GATAD2A: variants seen among roughly 807,000 people sequenced by gnomAD.
The protein encoded by GATAD2A is GATA zinc finger domain containing 2A.
In GATAD2A, 12 loss-of-function variants were observed where a neutral mutation model predicts 68.5. The observed-to-expected ratio is 0.18, with a 90% CI of 0.11 to 0.28. The LOEUF (loss-of-function observed/expected upper bound fraction) is 0.28. Ranked by LOEUF, GATAD2A falls within the 10% of genes least tolerant of loss-of-function variation. The pLI, the probability that GATAD2A is intolerant of heterozygous loss-of-function variation, is 1.00. For synonymous variants in GATAD2A, 410 were observed against 375.3 expected (o/e 1.09, Z -1.07); for missense variants, 755 against 868.5 (o/e 0.87, Z 1.64).
upstream of GATAD2A, among the ~76,000 whole-genome samples, chr19:19,401,774 A>G (rs982170318): frequency 1.1e-4 from 17 of 152,116 alleles, no homozygotes; most frequent in Non-Finnish European, 2.1e-4. Flanking sequence ...TACCTTGAAC[A>G]TTCAGTAGGT....
At chr19:19,437,059 G>A (rs1227664386) in intron 1 of GATAD2A, among the ~76,000 whole-genome samples, 1 of 152,180 alleles carries the variant, frequency 6.6e-6, no homozygotes, top group African/African-American at 2.4e-5. Flanking sequence ...GCATAGTCAG[G>A]TAATTCTGTT....
intron 1 of GATAD2A, among the ~76,000 whole-genome samples, chr19:19,408,125 G>A (rs1038568048): frequency 1.3e-5 from 2 of 152,136 alleles, no homozygotes; most frequent in East Asian, 1.9e-4. Context: ...TCAGCCTCCC[G>A]AGTAGTTGGG....
At chr19:19,469,369 T>C (rs1376556638) in intron 2 of GATAD2A, among the ~76,000 whole-genome samples, 3 of 146,454 alleles carry the variant, frequency 2.0e-5, no homozygotes, top group Non-Finnish European at 3.0e-5. Flanking sequence ...GAGGCGGAGC[T>C]TGCAGTGAGC....
At chr19:19,408,893 A>AAT (rs2050599617) in intron 1 of GATAD2A, among the ~76,000 whole-genome samples, 2 of 152,154 alleles carry the variant, frequency 1.3e-5, no homozygotes, top group Non-Finnish European at 2.9e-5. Flanking sequence ...GAAGGGGATT[A>AAT]AGGCAAGGGC....
intron 2 of GATAD2A, chr19:19,474,128 A>G: frequency 1.0e-6 from 1 of 985,272 alleles, no homozygotes; most frequent in Non-Finnish European, 1.2e-6. Flanking sequence ...GGTGTGCATC[A>G]CATAATTTTT....
rs1034091232 is a variant in GATAD2A, at chr19:19,479,403, C to T, written c.270-12903C>T. On this transcript the variant is annotated intron_variant, in intron 2 of 11. Coordinates refer to ENST00000683918, the MANE Select transcript of GATAD2A (RefSeq NM_001384528.1). ...GCCAGGGTCCATGTATTATTTTAAC[C>T]GAGTTCATACTTTATTCTGATTTCC... 1.1e-4 allele frequency among the ~76,000 whole-genome samples: 16 copies of T among 152,154 alleles called. No homozygotes were observed. The East Asian group carries it at 1.2e-3, about 11-fold the overall frequency.
At position 19,495,837 on chromosome 19, in the gene GATAD2A, A is replaced by T. The variant is rs370563267; in HGVS notation, c.708A>T (p.Pro236=). ...GGQQASSKLG[P]QASSQVVMPP... ...AGCAGGCGTCCTCGAAGCTGGGGCC[A>T]CAGGCGAGCTCACAGGTCGTCATGC... Residue 236 remains proline (P), a synonymous_variant, in exon 6 of 12, where the codon CCA becomes CCT. Transcript: ENST00000683918. The T allele has an allele frequency of 1.9e-6, 3 of 1,613,592 alleles. No individual in the cohort carries two copies. Among genetic ancestry groups the T allele is most frequent in the Non-Finnish European group, 2.5e-6 (3 of 1,179,904 alleles).
At chr19:19,404,409 A>C (rs1436287589), upstream of GATAD2A, among the ~76,000 whole-genome samples, 2 of 152,176 alleles carry the variant, frequency 1.3e-5, no homozygotes, top group African/African-American at 2.4e-5. Context: ...GGCTGGGTGC[A>C]GTGGCTTATG....
chr19:19,395,947 G>A (rs1017627207), intron 1 of GATAD2A, among the ~76,000 whole-genome samples: 11 of 152,188 alleles, frequency 7.2e-5, no homozygotes, highest in East Asian at 5.8e-4. Context: ...TCAAATCCTC[G>A]TTTGTGGGCT....
chr19:19,503,170 T>C (rs1015422784), intron 11 of GATAD2A, among the ~76,000 whole-genome samples: 13 of 152,244 alleles, frequency 8.5e-5, no homozygotes, highest in African/African-American at 1.2e-4. Flanking sequence ...AAAAGTGTTA[T>C]ATTTCTTGTG....
chr19:19,497,019 A>G (rs541538053), intron 7 of GATAD2A, among the ~76,000 whole-genome samples: 2 of 152,162 alleles, frequency 1.3e-5, no homozygotes, highest in South Asian at 2.1e-4. Flanking sequence ...AGGTAGTTTC[A>G]TACACCTGTT....
At chr19:19,447,821 G>C (rs1160818571) in intron 1 of GATAD2A, among the ~76,000 whole-genome samples, 1 of 152,254 alleles carries the variant, frequency 6.6e-6, no homozygotes, top group Non-Finnish European at 1.5e-5. Flanking sequence ...AATGGCAACA[G>C]ATGAATTTTT....
chr19:19,475,006 A>G (rs769060837), intron 2 of GATAD2A, among the ~76,000 whole-genome samples: 23 of 152,212 alleles, frequency 1.5e-4, no homozygotes, highest in Non-Finnish European at 2.5e-4. Flanking sequence ...TCAGTCACAT[A>G]GCGGATGCTC....
chr19:19,494,492 C>T (rs769844015), intron 5 of GATAD2A, 109 bp downstream of exon 5: 70 of 658,138 alleles, frequency 1.1e-4, no homozygotes, highest in Non-Finnish European at 1.5e-4. Context: ...CAAGAGGTTG[C>T]GCTTTCCTTC....
intron 1 of GATAD2A, among the ~76,000 whole-genome samples, chr19:19,426,792 G>T (rs925761474): frequency 1.3e-5 from 2 of 152,214 alleles, no homozygotes; most frequent in Non-Finnish European, 2.9e-5. Context: ...GGGATTACAG[G>T]CGTGAGCCAC....
chr19:19,458,427 C>T (rs2057133496), intron 1 of GATAD2A: 1 of 152,236 alleles, frequency 6.6e-6, no homozygotes, highest in South Asian at 2.1e-4. Flanking sequence ...TCACATGCTT[C>T]ATGAGTCTAA....
chr19:19,404,792 TCA>T (rs2050041023), upstream of GATAD2A, among the ~76,000 whole-genome samples: 1 of 152,240 alleles, frequency 6.6e-6, no homozygotes, highest in African/African-American at 2.4e-5. Flanking sequence ...ATAAAGCATG[TCA>T]CCACCACTCT....
At chr19:19,485,653 C>G (rs1048612660) in intron 2 of GATAD2A, among the ~76,000 whole-genome samples, 9 of 152,188 alleles carry the variant, frequency 5.9e-5, no homozygotes, top group African/African-American at 2.2e-4. Flanking sequence ...CCTCTGCATT[C>G]TGTAGTTTGG....
intron 7 of GATAD2A, among the ~76,000 whole-genome samples, chr19:19,498,084 G>A (rs1236891103): frequency 6.6e-6 from 1 of 152,262 alleles, no homozygotes; most frequent in African/African-American, 2.4e-5. Flanking sequence ...AGAGGACAGT[G>A]GCCCTGCTGG....
Sources: gnomAD v4.1 joint callset for allele counts (sites outside exome capture counted in the v4.1 genomes callset) on GRCh38, gnomAD v4.1.1 for gene constraint, MANE v1.5 for transcripts, NCBI Gene and HGNC (gene_info 2026-07-23, HGNC 2026-07-21) for gene names.